Variants in PIBF1 observed in about 807,000 individuals in gnomAD.
PIBF1 encodes the protein progesterone immunomodulatory binding factor 1.
PIBF1 carries 90 observed loss-of-function variants against 112.5 expected under a neutral mutation model. The ratio of observed to expected loss-of-function variants is 0.80; its 90% CI spans 0.67 to 0.95. PIBF1 has a LOEUF of 0.95. Ranked by LOEUF, PIBF1 falls within the 40% of genes least tolerant of loss-of-function variation. PIBF1 has a pLI of 0.00. For missense variants in PIBF1, 915 were observed against 852.3 expected (o/e 1.07, Z -0.92); for synonymous variants, 301 against 288.6 (o/e 1.04, Z -0.44).
chr13:72,822,160 T>G (rs1336806324), intron 6 of PIBF1, among the ~76,000 whole-genome samples, 178 bp downstream of exon 6: 1 of 152,238 alleles, frequency 6.6e-6, no homozygotes, highest in Non-Finnish European at 1.5e-5. Flanking sequence ...TGGTTGTTTT[T>G]GTTTTATTTA....
intron 5 of PIBF1, among the ~76,000 whole-genome samples, chr13:72,811,139 C>T (rs1245692767): frequency 6.6e-6 from 1 of 152,136 alleles, no homozygotes; most frequent in African/African-American, 2.4e-5. Flanking sequence ...GGATTATAGG[C>T]GTGAGCCACC....
chr13:72,928,028 T>TATACATATGTATATATACATATATATAC, intron 13 of PIBF1, among the ~76,000 whole-genome samples: 1 of 58,856 alleles, frequency 1.7e-5, no homozygotes, highest in African/African-American at 5.1e-5. Context: ...TATATATACA[T>TATACATATGTATATATACATATATATAC]ATATATATAT....
intron 5 of PIBF1, among the ~76,000 whole-genome samples, chr13:72,812,926 C>T (rs2036087539): frequency 6.6e-6 from 1 of 151,890 alleles, no homozygotes. Context: ...TGTATTCCAG[C>T]CTGTGTAAGA....
intron 11 of PIBF1, among the ~76,000 whole-genome samples, chr13:72,904,433 C>CTTTTTTTTTTTT (rs71099767): frequency 0.012 from 452 of 36,540 alleles, 127 homozygotes; most frequent in African/African-American, 0.038. Flanking sequence ...CAAAATATTT[C>CTTTTTTTTTTTT]TTTTTTTTTT....
At chr13:72,866,775 C>T (rs2038945006) in intron 10 of PIBF1, among the ~76,000 whole-genome samples, 1 of 152,060 alleles carries the variant, frequency 6.6e-6, no homozygotes, top group Admixed American at 6.6e-5. Context: ...ATTTGGGATG[C>T]TCTTATAATG....
chr13:72,977,296 C>T (rs1029182956), intron 16 of PIBF1, among the ~76,000 whole-genome samples: 2 of 152,164 alleles, frequency 1.3e-5, no homozygotes, highest in African/African-American at 4.8e-5. Flanking sequence ...CCTCCACCTC[C>T]CTGGTTCAAG....
chr13:72,802,955 A>C (rs2035554183), intron 5 of PIBF1, among the ~76,000 whole-genome samples: 1 of 152,194 alleles, frequency 6.6e-6, no homozygotes, highest in Admixed American at 6.5e-5. Context: ...AAAGTTTGTC[A>C]AGGAAAAGAG....
chr13:72,806,272 G>A (rs758609907), intron 5 of PIBF1, among the ~76,000 whole-genome samples: 10 of 151,794 alleles, frequency 6.6e-5, no homozygotes, highest in Non-Finnish European at 1.2e-4. Flanking sequence ...GTTTAGATTC[G>A]TCATATGAGT....
chr13:72,859,953 C>G (rs7321987), intron 10 of PIBF1, among the ~76,000 whole-genome samples: 3 of 152,032 alleles, frequency 2.0e-5, no homozygotes, highest in Non-Finnish European at 4.4e-5. Flanking sequence ...TATGAAAAAG[C>G]TGGATTTCTT....
intron 16 of PIBF1, among the ~76,000 whole-genome samples, chr13:72,986,556 A>G (rs1370127525): frequency 6.6e-6 from 1 of 151,798 alleles, no homozygotes; most frequent in Non-Finnish European, 1.5e-5. Context: ...GTGATTAGTT[A>G]TGTCCCGGAG....
intron 10 of PIBF1, among the ~76,000 whole-genome samples, chr13:72,860,953 T>C (rs192837756): frequency 1.5e-3 from 236 of 152,306 alleles, no homozygotes; most frequent in Middle Eastern, 6.8e-3. Context: ...CATGTACTCC[T>C]AAGATTCTTT....
At chr13:72,874,034 C>G (rs1334143906) in intron 10 of PIBF1, among the ~76,000 whole-genome samples, 1 of 151,964 alleles carries the variant, frequency 6.6e-6, no homozygotes, top group African/African-American at 2.4e-5. Flanking sequence ...GAAATTATAC[C>G]AAAATTCATT....
At chr13:72,875,787 G>A (rs574429607) in intron 10 of PIBF1, among the ~76,000 whole-genome samples, 3 of 152,236 alleles carry the variant, frequency 2.0e-5, no homozygotes, top group African/African-American at 7.2e-5. Flanking sequence ...TAATAGGGTT[G>A]TTTGTTATCT....
At chr13:72,943,890 G>A (rs1331050096) in intron 14 of PIBF1, among the ~76,000 whole-genome samples, 2 of 152,204 alleles carry the variant, frequency 1.3e-5, no homozygotes, top group African/African-American at 2.4e-5. Context: ...TTTCCAAAGT[G>A]TAAGTGGAAA....
chr13:72,976,914 G>A (rs2043036459), intron 16 of PIBF1, among the ~76,000 whole-genome samples: 3 of 152,108 alleles, frequency 2.0e-5, no homozygotes, highest in Non-Finnish European at 4.4e-5. Context: ...GGCAAGCAAG[G>A]CATCTAGGAC....
At chr13:72,801,724 A>C (rs1245619994) in intron 5 of PIBF1, among the ~76,000 whole-genome samples, 2 of 152,178 alleles carry the variant, frequency 1.3e-5, no homozygotes, top group Admixed American at 1.3e-4. Flanking sequence ...TAAAATGTGA[A>C]TCACAATAAA....
chr13:72,888,975 G>C (rs2039959756), intron 10 of PIBF1, among the ~76,000 whole-genome samples: 1 of 151,996 alleles, frequency 6.6e-6, no homozygotes, highest in Non-Finnish European at 1.5e-5. Flanking sequence ...TGAGATAGGA[G>C]GATGGCTTGA....
intron 9 of PIBF1, among the ~76,000 whole-genome samples, chr13:72,848,844 AAAG>A (rs1447594086): frequency 1.3e-5 from 2 of 151,180 alleles, no homozygotes; most frequent in South Asian, 2.1e-4. Flanking sequence ...AAAAAAAAAA[AAAG>A]AACTTAACTC....
At chr13:72,938,765 A>G (rs2041938324) in intron 14 of PIBF1, among the ~76,000 whole-genome samples, 1 of 152,220 alleles carries the variant, frequency 6.6e-6, no homozygotes. Context: ...CGTAGTGACT[A>G]TGCCATTTTA....
Sources: allele counts gnomAD v4.1 joint callset (sites outside exome capture counted in the v4.1 genomes callset), GRCh38; gene constraint gnomAD v4.1.1; transcripts MANE v1.5; gene names NCBI Gene and HGNC (gene_info 2026-07-23, HGNC 2026-07-21).